Variants in ZNF331 observed in about 807,000 individuals in gnomAD.
ZNF331 encodes the protein C2H2-like zinc finger protein rearranged in thyroid adenomas.
Under a neutral mutation model 7.0 loss-of-function variants are expected in ZNF331, and 2 were observed. The observed-to-expected ratio is 0.29, with a 90% CI of 0.12 to 0.90. ZNF331 has a LOEUF of 0.90. Among genes scored for constraint, ZNF331 ranks in the 40% least tolerant of loss-of-function variants. ZNF331 has a pLI of 0.58. For missense variants in ZNF331, 432 were observed against 587.7 expected (o/e 0.74, Z 2.74); for synonymous variants, 196 against 205.4 (o/e 0.95, Z 0.39).
the ZNF331 span, chr19:53,504,279 A>G: frequency 9.9e-3 from 2,627 of 264,698 alleles, 11 homozygotes; most frequent in Non-Finnish European, 0.014. Context: ...CTTTGCTTAG[A>G]TAAGTAACAC....
intron 3 of ZNF331, among the ~76,000 whole-genome samples, chr19:53,562,856 C>T (rs1258337507): frequency 3.3e-5 from 5 of 151,554 alleles, no homozygotes; most frequent in East Asian, 2.0e-4. Context: ...GGCATGGTGA[C>T]GCATGCCTGT....
intron 3 of ZNF331, among the ~76,000 whole-genome samples, chr19:53,562,461 G>T (rs989494154): frequency 6.6e-6 from 1 of 151,858 alleles, no homozygotes; most frequent in Non-Finnish European, 1.5e-5. Flanking sequence ...AGGCCAAAGC[G>T]GGTGGATCAC....
chr19:53,559,421 G>A (rs1057360431), intron 3 of ZNF331, among the ~76,000 whole-genome samples: 6 of 138,434 alleles, frequency 4.3e-5, no homozygotes, highest in South Asian at 2.3e-4. Context: ...CATACACATC[G>A]TACACACACA....
chr19:53,518,882 T>G (rs983603190), upstream of ZNF331, among the ~76,000 whole-genome samples: 1 of 152,228 alleles, frequency 6.6e-6, no homozygotes, highest in Non-Finnish European at 1.5e-5. Context: ...GATGGTTATT[T>G]CAAGCCACTG....
chr19:53,579,079 G>A lies in ZNF331; in HGVS notation c.*1127G>A, dbSNP rs914829395. ...CTCCCAAAGTGCTAGGATTACAGGC[G>A]TGAGCCACTGCACCTAGCCCACTGA... On this transcript the variant is annotated 3_prime_UTR_variant, in exon 6 of 6. Coordinates refer to ENST00000449416, the MANE Select transcript of ZNF331 (RefSeq NM_001079906.2). The A allele has an allele frequency of 2.1e-5, 4 of 192,332 alleles. No homozygotes were observed. The highest frequency in any genetic ancestry group is 6.1e-5 in the Admixed American group (1 of 16,306). 11.9% of individuals were successfully genotyped at this position (192,332 alleles called of 1,614,324 possible). A position where few individuals can be genotyped will look rare whatever the true frequency, so the allele number is the denominator to read the frequency against.
At position 53,560,462 on chromosome 19, in the gene ZNF331, CAGGA is replaced by C. The variant is rs2147535703; in HGVS notation, c.-74+4558_-74+4561del. On this transcript the variant is annotated intron_variant, in intron 3 of 5. Transcript: ENST00000449416. The surrounding 1 kb of genome is among the most constrained non-coding windows in gnomAD (Gnocchi z 4.3). ...GACACAGTGAAAGGATGTTCCATAA[CAGGA>C]AGGTTATGCCTGATTCAGTGACACT... 6.6e-6 allele frequency among the ~76,000 whole-genome samples: 1 copy of C among 152,236 alleles called. No individual in the cohort carries two copies. Among genetic ancestry groups the C allele is most frequent in the Non-Finnish European group, 1.5e-5 (1 of 68,008 alleles).
At chr19:53,529,219 G>C (rs868237316) in intron 2 of ZNF331, among the ~76,000 whole-genome samples, 6 of 152,132 alleles carry the variant, frequency 3.9e-5, no homozygotes, top group Admixed American at 6.5e-5. Flanking sequence ...GGCTAACACG[G>C]TGAAACCCCG....
At chr19:53,556,898 T>C (rs914262202) in intron 3 of ZNF331, among the ~76,000 whole-genome samples, 1 of 151,702 alleles carries the variant, frequency 6.6e-6, no homozygotes, top group African/African-American at 2.4e-5. Context: ...CTCTGCTTTC[T>C]GGGCTCAAGC....
At chr19:53,505,441 T>C in the ZNF331 span, among the ~76,000 whole-genome samples, 246 of 152,262 alleles carry the variant, frequency 1.6e-3, no homozygotes, top group Admixed American at 2.4e-3. Context: ...TCAAGTGATC[T>C]GCCCGCTTGT....
At chr19:53,509,158 T>G in the ZNF331 span, among the ~76,000 whole-genome samples, 1 of 152,160 alleles carries the variant, frequency 6.6e-6, no homozygotes, top group Non-Finnish European at 1.5e-5. Context: ...GAAGAATCCT[T>G]TGGGACTGTT....
At chr19:53,568,331 C>G (rs1028357427) in intron 3 of ZNF331, among the ~76,000 whole-genome samples, 1 of 151,996 alleles carries the variant, frequency 6.6e-6, no homozygotes. Flanking sequence ...GGAGTCAGGA[C>G]TCATTACTCT....
Position 53,544,494 on chromosome 19 carries a change from G to A in ZNF331, c.-138+5212G>A, listed in dbSNP as rs181736061. On this transcript the variant is annotated intron_variant, in intron 2 of 5. Coordinates refer to ENST00000449416, the MANE Select transcript of ZNF331 (RefSeq NM_001079906.2). ...CAGGAGACAGAGCTTGCAGTGAGCC[G>A]AGATCACGCCACTGCACTCCAGCCT... Among the ~76,000 whole-genome samples, 777 of 147,706 alleles carry A rather than the reference G, an allele frequency of 5.3e-3. 5 individuals are homozygous for A. The highest frequency in any genetic ancestry group is 0.019 in the East Asian group (95 of 4,890).
intron 2 of ZNF331, among the ~76,000 whole-genome samples, chr19:53,528,941 C>T (rs1039038286): frequency 4.9e-5 from 7 of 142,918 alleles, no homozygotes; most frequent in African/African-American, 1.1e-4. Flanking sequence ...CCTGTCCCCA[C>T]GCCTGGATGA....
the ZNF331 span, among the ~76,000 whole-genome samples, chr19:53,512,867 G>A: frequency 6.7e-6 from 1 of 149,904 alleles, no homozygotes; most frequent in African/African-American, 2.4e-5. Flanking sequence ...AGGTGGAACA[G>A]TTTAATCCTG....
chr19:53,554,576 T>G (rs991294485), intron 2 of ZNF331: 1 of 152,098 alleles, frequency 6.6e-6, no homozygotes, highest in Non-Finnish European at 1.5e-5. Flanking sequence ...ACGCGGCGGC[T>G]CTATCTCCCG....
chr19:53,506,995 A>G, the ZNF331 span, among the ~76,000 whole-genome samples: 1 of 152,140 alleles, frequency 6.6e-6, no homozygotes, highest in Non-Finnish European at 1.5e-5. Flanking sequence ...GTTGCTCTCA[A>G]TCTTCCTGTG....
chr19:53,556,104 G>A (rs574611816), intron 3 of ZNF331, among the ~76,000 whole-genome samples, 196 bp downstream of exon 3: 156 of 151,860 alleles, frequency 1.0e-3, no homozygotes, highest in African/African-American at 3.7e-3. Context: ...TTAGCCGGGA[G>A]TGGTGGTGGG....
chr19:53,544,544 CAAAA>C, intron 2 of ZNF331, among the ~76,000 whole-genome samples: 1 of 94,202 alleles, frequency 1.1e-5, no homozygotes, highest in South Asian at 3.5e-4. Context: ...GACTCCGTCT[CAAAA>C]AAAAAAAAAA....
At chr19:53,575,753 G>A (rs1267954269) in intron 5 of ZNF331, among the ~76,000 whole-genome samples, 3 of 151,560 alleles carry the variant, frequency 2.0e-5, no homozygotes, top group African/African-American at 4.9e-5. Flanking sequence ...GCACAATCTC[G>A]GCTCACCGCA....
Sources: allele counts gnomAD v4.1 joint callset (sites outside exome capture counted in the v4.1 genomes callset), GRCh38; gene constraint gnomAD v4.1.1; non-coding constraint Gnocchi (gnomAD v3.1); transcripts MANE v1.5; gene names NCBI Gene and HGNC (gene_info 2026-07-23, HGNC 2026-07-21).